Variants in CBFA2T3 observed in about 807,000 individuals in gnomAD.
The protein encoded by CBFA2T3 is transcriptional corepressor CBFA2T3.
Under a neutral mutation model 58.6 loss-of-function variants are expected in CBFA2T3, and 31 were observed. The observed-to-expected ratio is 0.53, with a 90% CI of 0.40 to 0.71. CBFA2T3 has a LOEUF of 0.71. CBFA2T3 is among the 30% of genes least tolerant of loss of function. CBFA2T3 has a pLI of 0.00. For missense variants in CBFA2T3, 1,076 were observed against 963.1 expected (o/e 1.12, Z -1.55); for synonymous variants, 531 against 421.9 (o/e 1.26, Z -3.17).
chr16:88,930,439 G>A (rs1031368969), intron 1 of CBFA2T3, among the ~76,000 whole-genome samples: 8 of 152,080 alleles, frequency 5.3e-5, no homozygotes, highest in Non-Finnish European at 1.2e-4. Flanking sequence ...AACAATGGGG[G>A]CAACAACCCA....
chr16:88,922,080 G>A (rs1020233575), intron 1 of CBFA2T3, among the ~76,000 whole-genome samples: 11 of 152,252 alleles, frequency 7.2e-5, no homozygotes, highest in African/African-American at 1.4e-4. Context: ...GCCACCAAAC[G>A]TGTCGTGGCC....
chr16:88,967,126 GT>G (rs1972528776), intron 1 of CBFA2T3, among the ~76,000 whole-genome samples: 1 of 134,022 alleles, frequency 7.5e-6, no homozygotes, highest in Admixed American at 7.3e-5. Context: ...AACCCCCGAG[GT>G]GCCACTCGGC....
Position 88,976,736 on chromosome 16 carries a change from C to G in CBFA2T3, c.72G>C (p.Gln24His). ...ASGSTCGSMS[Q>H]THPVLESGLL... ...GGCCGCTCTCCAGCACAGGGTGCGTCTGGGACATGGAGCCACAGGTGGATC... is the reference window on the plus strand; with the variant it reads ...GGCCGCTCTCCAGCACAGGGTGCGTGTGGGACATGGAGCCACAGGTGGATC... The change falls in exon 1 of 12, where the codon CAG (glutamine) becomes CAC (histidine). Residue 24 changes from glutamine (Q) to histidine (H), a missense_variant. Gln to His is a conservative substitution (Grantham distance 24, BLOSUM62 0). Transcript: ENST00000268679. 1 of 1,557,686 alleles carries G rather than the reference C, an allele frequency of 6.4e-7. No homozygotes were observed. The highest frequency in any genetic ancestry group is 8.7e-7 in the Non-Finnish European group (1 of 1,150,652).
intron 10 of CBFA2T3, 131 bp downstream of exon 10, chr16:88,880,589 A>T (rs1969028109): frequency 4.0e-6 from 3 of 743,824 alleles, no homozygotes; most frequent in Non-Finnish European, 6.7e-6. Context: ...CACACAGCGG[A>T]ATGCAGAAAG....
intron 1 of CBFA2T3, among the ~76,000 whole-genome samples, chr16:88,957,984 T>TA (rs1479174783): frequency 6.6e-6 from 1 of 152,162 alleles, no homozygotes; most frequent in African/African-American, 2.4e-5. Context: ...GGGTGAGTTG[T>TA]AAGATGTGTG....
intron 1 of CBFA2T3, 55 bp from the exon 2 acceptor site, chr16:88,901,711 G>A (rs1458496875): frequency 7.5e-6 from 11 of 1,472,092 alleles, no homozygotes. Context: ...GCAAAGGCCA[G>A]GGCCCGCAGC....
intron 10 of CBFA2T3, chr16:88,879,766 C>T (rs1445204311): frequency 2.7e-6 from 1 of 367,974 alleles, no homozygotes; most frequent in Non-Finnish European, 5.0e-6. Context: ...AAAGCTTGCA[C>T]TCTACCGCAG....
chr16:88,895,716 T>C (rs1969863032), intron 3 of CBFA2T3, among the ~76,000 whole-genome samples: 1 of 152,030 alleles, frequency 6.6e-6, no homozygotes, highest in Non-Finnish European at 1.5e-5. Context: ...GCAGGGGCTG[T>C]GGGAGGCCAG....
chr16:88,908,866 C>T (rs572113519), intron 1 of CBFA2T3, among the ~76,000 whole-genome samples: 223 of 152,380 alleles, frequency 1.5e-3, no homozygotes, highest in Middle Eastern at 6.8e-3. Flanking sequence ...TACTGCGTGC[C>T]AGGCCTGACC....
intron 1 of CBFA2T3, among the ~76,000 whole-genome samples, chr16:88,969,253 G>T (rs548866569): frequency 6.6e-6 from 1 of 152,302 alleles, no homozygotes; most frequent in South Asian, 2.1e-4. Flanking sequence ...TGTGAAGTCG[G>T]GACTTTCTAG....
chr16:88,876,587 T>TAG lies in CBFA2T3; in HGVS notation c.*387_*388dup, dbSNP rs10653475. 15,142 of 261,210 alleles carry TAG rather than the reference T, an allele frequency of 0.058. 1,273 individuals carry two copies. The highest frequency in any genetic ancestry group is 0.23 in the African/African-American group (10,545 of 46,170). 16.2% of individuals were successfully genotyped at this position (261,210 alleles called of 1,614,324 possible). On this transcript the variant is annotated 3_prime_UTR_variant, in exon 12 of 12. Transcript: ENST00000268679. ...TTGAAGAGAAAGTGTGTGATAGTCA[T>TAG]AGAGAGAGAGAGGATAGAGAAGACA...
Position 88,876,138 on chromosome 16 carries a change from T to C in CBFA2T3, c.*838A>G, listed in dbSNP as rs1241664412. ...CAAACAAATTTTGGATTTTGATTTC[T>C]TGTGTTTGCTTTTTTGGATTTCCTT... On this transcript the variant is annotated 3_prime_UTR_variant, in exon 12 of 12. Coordinates refer to ENST00000268679, the MANE Select transcript of CBFA2T3 (RefSeq NM_005187.6). 8.6e-6 allele frequency: 2 copies of C among 232,538 alleles called. No individual in the cohort carries two copies. The highest frequency in any genetic ancestry group is 1.7e-5 in the Non-Finnish European group (2 of 117,418). The allele number at this position is 232,538 out of a possible 1,614,324, so 14.4% of individuals were successfully genotyped here.
At chr16:88,894,608 C>T (rs1969811874) in intron 3 of CBFA2T3, among the ~76,000 whole-genome samples, 1 of 151,240 alleles carries the variant, frequency 6.6e-6, no homozygotes, top group African/African-American at 2.4e-5. Flanking sequence ...ACACAATGTA[C>T]ACACATGCAC....
intron 1 of CBFA2T3, among the ~76,000 whole-genome samples, chr16:88,911,352 G>C (rs892563467): frequency 2.0e-5 from 3 of 152,254 alleles, no homozygotes; most frequent in Admixed American, 6.5e-5. Context: ...TGAACTCGGG[G>C]TGGGGGCCGT....
chr16:88,909,260 G>A (rs883787), intron 1 of CBFA2T3, among the ~76,000 whole-genome samples: 4,506 of 152,308 alleles, frequency 0.03, 209 homozygotes, highest in African/African-American at 0.1. Context: ...ACGGGCTCTG[G>A]ACCCAGAACA....
At chr16:88,911,025 C>G (rs1448655520) in intron 1 of CBFA2T3, among the ~76,000 whole-genome samples, 1 of 152,238 alleles carries the variant, frequency 6.6e-6, no homozygotes, top group African/African-American at 2.4e-5. Context: ...GAATAAGCAG[C>G]CATATAAACA....
intron 1 of CBFA2T3, among the ~76,000 whole-genome samples, chr16:88,952,457 G>C (rs928374781): frequency 2.0e-5 from 3 of 152,030 alleles, no homozygotes; most frequent in African/African-American, 7.2e-5. Flanking sequence ...AGGCCATGGG[G>C]TGAGGGAGTT....
chr16:88,946,743 A>C (rs1338348401), intron 1 of CBFA2T3, among the ~76,000 whole-genome samples: 1 of 151,962 alleles, frequency 6.6e-6, no homozygotes, highest in African/African-American at 2.4e-5. Flanking sequence ...GGCCTCCCAC[A>C]GTGCTGGGAT....
At position 88,958,098 on chromosome 16, in the gene CBFA2T3, G is replaced by C. The variant is rs1311750095; in HGVS notation, c.151+18559C>G. 6.6e-6 allele frequency among the ~76,000 whole-genome samples: 1 copy of C among 152,196 alleles called. No individual in the cohort carries two copies. The highest frequency in any genetic ancestry group is 6.5e-5 in the Admixed American group (1 of 15,282). On this transcript the variant is annotated intron_variant, in intron 1 of 11. Coordinates refer to ENST00000268679, the MANE Select transcript of CBFA2T3 (RefSeq NM_005187.6). The surrounding 1 kb of genome is among the most constrained non-coding windows in gnomAD (Gnocchi z 4.0). Reference sequence around the variant, plus strand: ...GCTCACAGAGAGGCCACGGAACTTTGTCAGCGCACCAGGGCAGTAGCGGGA... The same window carrying C: ...GCTCACAGAGAGGCCACGGAACTTTCTCAGCGCACCAGGGCAGTAGCGGGA...
Sources: allele counts gnomAD v4.1 joint callset (sites outside exome capture counted in the v4.1 genomes callset), GRCh38; gene constraint gnomAD v4.1.1; non-coding constraint Gnocchi (gnomAD v3.1); transcripts MANE v1.5; gene names NCBI Gene and HGNC (gene_info 2026-07-23, HGNC 2026-07-21).